PTAFR: variants seen among roughly 807,000 people sequenced by gnomAD.
The protein encoded by PTAFR is platelet-activating factor receptor.
Under a neutral mutation model 14.7 loss-of-function variants are expected in PTAFR, and 8 were observed. That is an observed-to-expected ratio of 0.54 (90% CI 0.32 to 0.98). The LOEUF (loss-of-function observed/expected upper bound fraction) is 0.98, where lower values mean the gene tolerates loss of function less well. PTAFR is among the 50% of genes least tolerant of loss of function. PTAFR has a pLI of 0.04. For synonymous variants in PTAFR, 156 were observed against 176.5 expected, an observed-to-expected ratio of 0.88 and a Z score of 0.92; for missense variants, 337 against 451.2, an observed-to-expected ratio of 0.75 and a Z score of 2.29.
At chr1:28,183,677 T>C (rs1282932765) in intron 1 of PTAFR, among the ~76,000 whole-genome samples, 1 of 152,038 alleles carries the variant, frequency 6.6e-6, no homozygotes, top group Non-Finnish European at 1.5e-5. Flanking sequence ...TATCAGTGGT[T>C]CTCAACCAGA....
chr1:28,169,630 T>C (rs1182622574), intron 1 of PTAFR, among the ~76,000 whole-genome samples: 1 of 152,084 alleles, frequency 6.6e-6, no homozygotes, highest in Non-Finnish European at 1.5e-5. Context: ...GGTCCCTCAC[T>C]GAAAATGGAG....
At chr1:28,162,824 G>C (rs1249819415) in intron 1 of PTAFR, among the ~76,000 whole-genome samples, 3 of 98,196 alleles carry the variant, frequency 3.1e-5, no homozygotes, top group African/African-American at 1.3e-4. Context: ...GCGAGACTTT[G>C]TCTCCAAAAA....
chr1:28,166,464 G>A (rs1396536845), intron 1 of PTAFR, among the ~76,000 whole-genome samples: 1 of 152,166 alleles, frequency 6.6e-6, no homozygotes, highest in Non-Finnish European at 1.5e-5. Context: ...CTGAGGTCAG[G>A]AGTTGAAGAC....
chr1:28,151,909 T>C (rs1036004910), intron 1 of PTAFR, among the ~76,000 whole-genome samples: 1 of 152,160 alleles, frequency 6.6e-6, no homozygotes, highest in African/African-American at 2.4e-5. Context: ...TTTTGCTTTT[T>C]ATAGACAAGG....
intron 1 of PTAFR, among the ~76,000 whole-genome samples, chr1:28,167,372 G>A (rs1646396986): frequency 6.6e-6 from 1 of 152,124 alleles, no homozygotes; most frequent in South Asian, 2.1e-4. Context: ...CAATATCACT[G>A]ATCATCAGAG....
At chr1:28,187,441 A>G (rs1646616100) in intron 1 of PTAFR, among the ~76,000 whole-genome samples, 1 of 152,214 alleles carries the variant, frequency 6.6e-6, no homozygotes, top group Non-Finnish European at 1.5e-5. Context: ...CAACCCACGA[A>G]AAGCAAAATA....
Position 28,149,325 on chromosome 1 carries a change from CTTTTTTTTT to C in PTAFR, c.*659_*667del, listed in dbSNP as rs34668678. On this transcript the variant is annotated 3_prime_UTR_variant, in exon 2 of 2. Transcript: ENST00000373857. The stretch of plus-strand genomic sequence containing the variant: ...ATCACTTGAGAGTAGTTGCCCAAAG[CTTTTTTTTT>C]TTTTTTTTTTTTTTTTTTGAGATGG... 5.8e-5 allele frequency: 4 copies of C among 69,556 alleles called. No individual in the cohort carries two copies. The highest frequency in any genetic ancestry group is 7.7e-5 in the Non-Finnish European group (3 of 38,790). 4.3% of individuals were successfully genotyped at this position (69,556 alleles called of 1,614,324 possible).
At chr1:28,183,175 T>C (rs868815208) in intron 1 of PTAFR, among the ~76,000 whole-genome samples, 20 of 152,246 alleles carry the variant, frequency 1.3e-4, no homozygotes, top group Middle Eastern at 3.4e-3. Flanking sequence ...TAGCATCTTA[T>C]TGGGATGTTA....
chr1:28,180,509 AC>A (rs1169308960), upstream of PTAFR, among the ~76,000 whole-genome samples: 1 of 152,184 alleles, frequency 6.6e-6, no homozygotes, highest in African/African-American at 2.4e-5. Flanking sequence ...CAGTTGGCTG[AC>A]CCCAACCAGA....
intron 1 of PTAFR, among the ~76,000 whole-genome samples, chr1:28,192,760 C>T (rs1406582377): frequency 2.0e-5 from 3 of 151,708 alleles, no homozygotes; most frequent in Admixed American, 6.6e-5. Flanking sequence ...GATTCTCCTG[C>T]CTCAACCTCC....
At chr1:28,190,213 C>G (rs1190743248) in intron 1 of PTAFR, among the ~76,000 whole-genome samples, 1 of 149,346 alleles carries the variant, frequency 6.7e-6, no homozygotes, top group Non-Finnish European at 1.5e-5. Flanking sequence ...CTCAGATGAT[C>G]CGCCTGCCTG....
chr1:28,180,345 T>A (rs533899234), upstream of PTAFR, among the ~76,000 whole-genome samples: 16 of 151,844 alleles, frequency 1.1e-4, no homozygotes, highest in South Asian at 1.0e-3. Flanking sequence ...AAGCCACTGC[T>A]CTCCACCCTG....
chr1:28,177,626 T>G (rs1646528763), upstream of PTAFR, among the ~76,000 whole-genome samples: 1 of 152,234 alleles, frequency 6.6e-6, no homozygotes, highest in South Asian at 2.1e-4. Flanking sequence ...GAATGTTCTA[T>G]ATTCTGGACT....
intron 1 of PTAFR, among the ~76,000 whole-genome samples, chr1:28,166,540 G>A (rs554048820): frequency 5.9e-5 from 9 of 152,080 alleles, no homozygotes; most frequent in East Asian, 3.9e-4. Context: ...GCATGATGGC[G>A]GGTGCCTGTA....
At chr1:28,165,218 A>T (rs1375968502) in intron 1 of PTAFR, among the ~76,000 whole-genome samples, 3 of 151,972 alleles carry the variant, frequency 2.0e-5, no homozygotes, top group Non-Finnish European at 4.4e-5. Context: ...CAGCCTGGCT[A>T]ACATGGTGAA....
At chr1:28,177,380 C>G (rs966038756), upstream of PTAFR, among the ~76,000 whole-genome samples, 1 of 152,136 alleles carries the variant, frequency 6.6e-6, no homozygotes. Flanking sequence ...GCCCAGAAAC[C>G]CCATGGGAAC....
In PTAFR at chr1:28,150,956, G is replaced by A; in HGVS notation, c.66C>T (p.Tyr22=). The part of the protein sequence containing the change: ...EFRYTLFPIV[Y]SIIFVLGVIA... ...TGACCCCGAGCACAAAGATGATGCT[G>A]TAAACAATCGGGAAGAGAGTGTATC... The change falls in exon 2 of 2, where the codon TAC becomes TAT. Residue 22 remains tyrosine (Y), a synonymous_variant. Coordinates refer to ENST00000373857, the MANE Select transcript of PTAFR (RefSeq NM_000952.5). This position sits in a 1 kb window ranked among gnomAD's most constrained non-coding sequence, Gnocchi z 6.3. 6.2e-7 allele frequency: 1 copy of A among 1,613,852 alleles called. No individual in the cohort carries two copies. Among genetic ancestry groups the A allele is most frequent in the Admixed American group, 1.7e-5 (1 of 59,978 alleles).
rs1465843735 is a variant in PTAFR, at chr1:28,148,011, T to G, written c.*1982A>C. Reference sequence around the variant, plus strand: ...GGTTACAGGTCCATCGAGAGGCATTTCTCAAAATCAGCAATCCGGTGTTTG... The same window carrying G: ...GGTTACAGGTCCATCGAGAGGCATTGCTCAAAATCAGCAATCCGGTGTTTG... On this transcript the variant is annotated 3_prime_UTR_variant, in exon 2 of 2. Transcript: ENST00000373857. 1 of 152,390 alleles carries G rather than the reference T, an allele frequency of 6.6e-6. No individual in the cohort carries two copies. Among genetic ancestry groups the G allele is most frequent in the Non-Finnish European group, 1.5e-5 (1 of 68,084 alleles). The allele number at this position is 152,390 out of a possible 1,614,324, so 9.4% of individuals were successfully genotyped here. A position where few individuals can be genotyped will look rare whatever the true frequency, so the allele number is the denominator to read the frequency against.
At chr1:28,181,111 G>C (rs958339142), upstream of PTAFR, among the ~76,000 whole-genome samples, 1 of 152,082 alleles carries the variant, frequency 6.6e-6, no homozygotes, top group Non-Finnish European at 1.5e-5. Flanking sequence ...GCCTTCCAAA[G>C]TGCTGGGATT....
Sources: gnomAD v4.1 joint callset for allele counts (sites outside exome capture counted in the v4.1 genomes callset) on GRCh38, gnomAD v4.1.1 for gene constraint, Gnocchi (gnomAD v3.1) non-coding constraint, MANE v1.5 for transcripts, NCBI Gene and HGNC (gene_info 2026-07-23, HGNC 2026-07-21) for gene names.